SAMMSON: variants seen among roughly 807,000 people sequenced by gnomAD.
The protein encoded by SAMMSON is long intergenic non-protein coding RNA 1212.
intron 3 of SAMMSON, among the ~76,000 whole-genome samples, chr3:70,058,898 T>C (rs531175427): frequency 6.6e-6 from 1 of 152,234 alleles, no homozygotes; most frequent in Admixed American, 6.6e-5. Context: ...TTCAGATTTG[T>C]ATCTAGTTTG....
At chr3:70,322,282 A>G (rs1035802746) in intron 7 of SAMMSON, among the ~76,000 whole-genome samples, 1 of 152,174 alleles carries the variant, frequency 6.6e-6, no homozygotes, top group Non-Finnish European at 1.5e-5. Context: ...GTCCTCTTTA[A>G]CCAATACAAT....
At chr3:70,308,770 C>T (rs549793034) in intron 7 of SAMMSON, among the ~76,000 whole-genome samples, 28 of 152,112 alleles carry the variant, frequency 1.8e-4, no homozygotes, top group Admixed American at 5.9e-4. Context: ...TGTTTGAAGT[C>T]GAGAAGTTAG....
At chr3:70,028,186 C>CTTTCTTT (rs1559776285) in intron 3 of SAMMSON, among the ~76,000 whole-genome samples, 1 of 103,876 alleles carries the variant, frequency 9.6e-6, no homozygotes, top group African/African-American at 3.3e-5. Flanking sequence ...TTCCTTCCTT[C>CTTTCTTT]CTTTCTTTCT....
At chr3:70,308,868 C>T (rs1411846695) in intron 7 of SAMMSON, among the ~76,000 whole-genome samples, 1 of 152,052 alleles carries the variant, frequency 6.6e-6, no homozygotes, top group Non-Finnish European at 1.5e-5. Flanking sequence ...GCACTCAGTG[C>T]TTTGTGTCAG....
At chr3:70,399,464 G>C (rs1470308617) in intron 2 of SAMMSON, among the ~76,000 whole-genome samples, 1 of 152,182 alleles carries the variant, frequency 6.6e-6, no homozygotes, top group South Asian at 2.1e-4. Context: ...GCTTTACAGT[G>C]TGATTTTCCC....
chr3:70,097,645 A>G (rs2067327427), intron 4 of SAMMSON, among the ~76,000 whole-genome samples: 2 of 152,206 alleles, frequency 1.3e-5, no homozygotes, highest in Non-Finnish European at 2.9e-5. Context: ...GAAACTCCAA[A>G]TACAATTTGT....
chr3:70,185,475 T>C (rs1701084685), intron 4 of SAMMSON, among the ~76,000 whole-genome samples: 1 of 152,158 alleles, frequency 6.6e-6, no homozygotes, highest in Non-Finnish European at 1.5e-5. Context: ...GCCACCCTCT[T>C]GCAGACAGAG....
At position 70,290,036 on chromosome 3, in the gene SAMMSON, G is replaced by A. The variant is rs370632489; in HGVS notation, n.675-1143G>A. ...TCCCGTAGCTCAGAGTAATTTGATC[G>A]TCTGAAGCCTTCTTCTCTCAGCTCG... On this transcript the variant is annotated intron_variant and non_coding_transcript_variant, in intron 6 of 9. Coordinates refer to ENST00000642114, the Ensembl canonical transcript of SAMMSON. 3.0e-3 allele frequency among the ~76,000 whole-genome samples: 456 copies of A among 152,064 alleles called. 2 individuals carry two copies. Among genetic ancestry groups the A allele is most frequent in the Middle Eastern group, 0.02 (6 of 294 alleles).
intron 7 of SAMMSON, among the ~76,000 whole-genome samples, chr3:70,335,999 A>T (rs1166217312): frequency 6.6e-6 from 1 of 152,020 alleles, no homozygotes; most frequent in South Asian, 2.1e-4. Flanking sequence ...GAAGTTAGGA[A>T]CTGGTATCAG....
At chr3:70,418,975 TTCCTTCTCTCTCTC>T (rs1701288381) in intron 2 of SAMMSON, among the ~76,000 whole-genome samples, 1 of 73,066 alleles carries the variant, frequency 1.4e-5, no homozygotes, top group African/African-American at 6.5e-5. Context: ...CTTTCCTTCC[TTCCTTCTCTCTCTC>T]TCTCTCTCTC....
At chr3:70,223,769 C>T (rs1183337362) in intron 4 of SAMMSON, among the ~76,000 whole-genome samples, 2 of 152,186 alleles carry the variant, frequency 1.3e-5, no homozygotes, top group East Asian at 1.9e-4. Flanking sequence ...ATTTAATTCA[C>T]ATACAAATGA....
chr3:70,206,635 C>G, intron 4 of SAMMSON: 1 of 397,834 alleles, frequency 2.5e-6, no homozygotes, highest in East Asian at 3.6e-5. Context: ...TGGCATTCTT[C>G]AAGGGAGGAC....
chr3:70,369,966 C>T (rs1702953225), intron 9 of SAMMSON, among the ~76,000 whole-genome samples: 1 of 151,850 alleles, frequency 6.6e-6, no homozygotes, highest in Non-Finnish European at 1.5e-5. Context: ...TTATCCTTCC[C>T]CTTTCATTCC....
intron 3 of SAMMSON, chr3:70,070,363 A>T (rs1333096493): frequency 6.6e-6 from 1 of 151,960 alleles, no homozygotes; most frequent in African/African-American, 2.4e-5. Context: ...GTTCTTTTCC[A>T]TTTTATCACC....
intron 4 of SAMMSON, among the ~76,000 whole-genome samples, chr3:70,227,851 C>T (rs1701523310): frequency 6.6e-6 from 1 of 152,060 alleles, no homozygotes; most frequent in Non-Finnish European, 1.5e-5. Context: ...TAGTAAGCGG[C>T]AGAGCTGGGA....
rs1183149772 is a variant in SAMMSON at position 70,163,001 on chromosome 3, CTATT to C, written n.508-86104_508-86101del. 9.2e-5 allele frequency among the ~76,000 whole-genome samples: 14 copies of C among 151,602 alleles called. No homozygotes were observed. The South Asian group carries it at 2.7e-3, about 29-fold the overall frequency. On this transcript the variant is annotated intron_variant and non_coding_transcript_variant, in intron 4 of 9. Coordinates refer to ENST00000642114, the Ensembl canonical transcript of SAMMSON. ...TACTGTTTGCATGGTGTTCCTATTT[CTATT>C]TTTTTACTTTTAATCTTATTTTATC...
intron 7 of SAMMSON, among the ~76,000 whole-genome samples, chr3:70,320,597 C>T (rs1702530842): frequency 6.6e-6 from 1 of 152,028 alleles, no homozygotes; most frequent in Non-Finnish European, 1.5e-5. Context: ...TTAGTCAGCA[C>T]CTAAACAACC....
intron 4 of SAMMSON, among the ~76,000 whole-genome samples, chr3:70,179,053 T>A (rs1293799976): frequency 6.6e-6 from 1 of 152,104 alleles, no homozygotes; most frequent in Non-Finnish European, 1.5e-5. Flanking sequence ...CTGATCAGTT[T>A]CATTTTATAT....
chr3:70,303,835 C>G (rs1344717210), intron 7 of SAMMSON, among the ~76,000 whole-genome samples: 3 of 151,968 alleles, frequency 2.0e-5, no homozygotes, highest in African/African-American at 7.3e-5. Context: ...GCATGTGCCA[C>G]CATGCCTGTG....
Sources: gnomAD v4.1 joint callset for allele counts (sites outside exome capture counted in the v4.1 genomes callset) on GRCh38, gnomAD v4.1.1 for gene constraint, MANE v1.5 for transcripts, NCBI Gene and HGNC (gene_info 2026-07-23, HGNC 2026-07-21) for gene names.